Variants in PLEKHA7 observed in about 807,000 individuals in gnomAD.
The protein encoded by PLEKHA7 is pleckstrin homology domain-containing family A member 7.
A neutral mutation model predicts 170.0 loss-of-function variants in PLEKHA7; 104 were observed. That is an observed-to-expected ratio of 0.61 (90% CI 0.52 to 0.72). PLEKHA7 has a LOEUF of 0.72. Among genes scored for constraint, PLEKHA7 ranks in the 30% least tolerant of loss-of-function variants. The pLI is 0.00. For synonymous variants in PLEKHA7, 648 were observed against 660.8 expected (o/e 0.98, Z 0.30); for missense variants, 1,615 against 1,671.7 (o/e 0.97, Z 0.59).
intron 3 of PLEKHA7, among the ~76,000 whole-genome samples, chr11:16,949,721 G>C (rs1185857482): frequency 6.6e-6 from 1 of 152,120 alleles, no homozygotes; most frequent in Non-Finnish European, 1.5e-5. Context: ...AGTCTATCTA[G>C]CACAGGAGTT....
intron 3 of PLEKHA7, among the ~76,000 whole-genome samples, chr11:17,010,744 C>T (rs762189289): frequency 6.6e-6 from 1 of 152,196 alleles, no homozygotes; most frequent in African/African-American, 2.4e-5. Context: ...AATGCTTTGT[C>T]GCTCTCACTT....
At chr11:16,969,469 A>G (rs957741825) in intron 3 of PLEKHA7, among the ~76,000 whole-genome samples, 2 of 152,160 alleles carry the variant, frequency 1.3e-5, no homozygotes, top group Admixed American at 1.3e-4. Flanking sequence ...TGAGGAAAAG[A>G]CAGATGATGA....
At chr11:16,800,633 T>C (rs865795214) in intron 17 of PLEKHA7, among the ~76,000 whole-genome samples, 2 of 152,182 alleles carry the variant, frequency 1.3e-5, no homozygotes, top group Non-Finnish European at 2.9e-5. Flanking sequence ...GCTAGCAGCC[T>C]AAGATGGGGC....
chr11:16,799,492 C>T (rs529418482), intron 17 of PLEKHA7, among the ~76,000 whole-genome samples: 102 of 151,802 alleles, frequency 6.7e-4, no homozygotes, highest in Non-Finnish European at 1.4e-3. Flanking sequence ...TTCAAAGACA[C>T]GTATTCATGT....
At chr11:16,956,574 G>A (rs889522609) in intron 3 of PLEKHA7, among the ~76,000 whole-genome samples, 3 of 152,032 alleles carry the variant, frequency 2.0e-5, no homozygotes, top group African/African-American at 4.8e-5. Flanking sequence ...ATAATCCCAC[G>A]CTCACAATGC....
chr11:16,929,622 C>A (rs923027454), intron 3 of PLEKHA7, among the ~76,000 whole-genome samples: 7 of 152,192 alleles, frequency 4.6e-5, no homozygotes, highest in Non-Finnish European at 8.8e-5. Flanking sequence ...CCTAATAAAG[C>A]CCCTACTTTC....
rs1223196866 is a variant in PLEKHA7, at chr11:16,802,920, A to C, written c.2157+52T>G. On this transcript the variant is annotated intron_variant, in intron 15 of 26. Coordinates refer to ENST00000531066, the MANE Select transcript of PLEKHA7 (RefSeq NM_001329630.2). Reference sequence around the variant, plus strand: ...GTCCAGCCTATGTCTCAAGAAAGACAGGACAAAATGTCCCTCTGCCCATTC... The same window carrying C: ...GTCCAGCCTATGTCTCAAGAAAGACCGGACAAAATGTCCCTCTGCCCATTC... 5 of 1,417,536 alleles carry C rather than the reference A, an allele frequency of 3.5e-6. No individual in the cohort carries two copies. The African/African-American group carries it at 5.6e-5, about 16-fold the overall frequency. The allele number at this position is 1,417,536 out of a possible 1,614,324, so 87.8% of individuals were successfully genotyped here. A position where few individuals can be genotyped will look rare whatever the true frequency, so the allele number is the denominator to read the frequency against.
rs771352477 is a variant in PLEKHA7, at chr11:16,826,049, G to A, written c.1343+71C>T. ...AGGCTGCCCTTACGCAGCAAGTGCTGGCTAAATGACAGCTCTTGCCACTAC... is the reference window on the plus strand; with the variant it reads ...AGGCTGCCCTTACGCAGCAAGTGCTAGCTAAATGACAGCTCTTGCCACTAC... On this transcript the variant is annotated intron_variant, in intron 10 of 26. Transcript: ENST00000531066. 1.1e-4 allele frequency: 162 copies of A among 1,468,624 alleles called. No individual in the cohort carries two copies. In the African/African-American group the frequency reaches 2.0e-3, roughly 18 times the overall value. The allele number at this position is 1,468,624 out of a possible 1,614,324, so 91.0% of individuals were successfully genotyped here.
intron 8 of PLEKHA7, among the ~76,000 whole-genome samples, chr11:16,845,063 C>G (rs1420837832): frequency 6.6e-6 from 1 of 152,196 alleles, no homozygotes; most frequent in East Asian, 1.9e-4. Context: ...AACAGGGGAG[C>G]CCAGCTTGAT....
intron 3 of PLEKHA7, among the ~76,000 whole-genome samples, chr11:16,892,422 G>GTA (rs1287814363): frequency 1.3e-5 from 1 of 76,906 alleles, no homozygotes; most frequent in African/African-American, 3.6e-5. Context: ...GTGTGTGTGT[G>GTA]TGTGTGTGTG....
chr11:16,883,457 G>T (rs553225630), intron 3 of PLEKHA7, among the ~76,000 whole-genome samples: 1 of 152,248 alleles, frequency 6.6e-6, no homozygotes, highest in South Asian at 2.1e-4. Flanking sequence ...CACTGCTCTT[G>T]TTCCATTATC....
intron 8 of PLEKHA7, among the ~76,000 whole-genome samples, chr11:16,849,365 T>A (rs544417458): frequency 3.9e-5 from 6 of 152,336 alleles, no homozygotes; most frequent in East Asian, 1.9e-4. Flanking sequence ...AACATCACTA[T>A]CCCAATTGTT....
intron 4 of PLEKHA7, among the ~76,000 whole-genome samples, chr11:16,857,448 T>G (rs2135489469): frequency 1.3e-5 from 2 of 152,354 alleles, no homozygotes; most frequent in Middle Eastern, 3.4e-3. Context: ...GTCACCACAT[T>G]TGCTGTTGGC....
chr11:16,816,876 T>C lies in PLEKHA7; in HGVS notation c.1790A>G (p.Lys597Arg). 1 of 1,614,114 alleles carries C rather than the reference T, an allele frequency of 6.2e-7. No individual in the cohort carries two copies. Residue 597 changes from lysine (K) to arginine (R), a missense_variant, in exon 11 of 27, where the codon AAG becomes AGG. Coordinates refer to ENST00000531066, the MANE Select transcript of PLEKHA7 (RefSeq NM_001329630.2). ...PHTPAERVTV[K>R]PPDQRRSVDI... ...CACACTCCTCCTCTGGTCCGGTGGC[T>C]TCACTGTGACTCGCTCTGCTGGTGT... is the stretch of plus-strand genomic sequence containing the variant.
At chr11:16,888,403 G>GGC (rs1565074459) in intron 3 of PLEKHA7, among the ~76,000 whole-genome samples, 2 of 152,264 alleles carry the variant, frequency 1.3e-5, no homozygotes, top group African/African-American at 4.8e-5. Context: ...TGAGTAGACG[G>GGC]GGGGGAAATG....
intron 8 of PLEKHA7, among the ~76,000 whole-genome samples, chr11:16,850,109 C>T (rs909879065): frequency 1.3e-5 from 2 of 152,206 alleles, no homozygotes; most frequent in Non-Finnish European, 2.9e-5. Context: ...ACCAACACTT[C>T]CCTTTAACCC....
At chr11:16,882,146 T>C (rs1388667484) in intron 3 of PLEKHA7, among the ~76,000 whole-genome samples, 1 of 152,188 alleles carries the variant, frequency 6.6e-6, no homozygotes, top group Non-Finnish European at 1.5e-5. Flanking sequence ...GCCTGGCACA[T>C]AGTAGGTATT....
rs879235701 is a variant in PLEKHA7 at position 16,841,622 on chromosome 11, G to A, written c.797C>T (p.Thr266Ile). The A allele has an allele frequency of 6.2e-7, 1 of 1,614,146 alleles. No homozygotes were observed. The highest frequency in any genetic ancestry group is 8.5e-7 in the Non-Finnish European group (1 of 1,180,038). The change falls in exon 9 of 27, where the codon ACC (threonine) becomes ATC (isoleucine). Residue 266 changes from threonine (T) to isoleucine (I), a missense_variant. Transcript: ENST00000531066. ...GMRTYYFSAD[T>I]QEDMNAWVRA... is the part of the protein sequence containing the mutation. ...GACCCAAGCGTTCATGTCCTCCTGGGTGTCGGCACTGAAGTAGTAGGTCCT... is the reference window on the plus strand; with the variant it reads ...GACCCAAGCGTTCATGTCCTCCTGGATGTCGGCACTGAAGTAGTAGGTCCT...
intron 3 of PLEKHA7, among the ~76,000 whole-genome samples, chr11:16,962,216 G>A (rs1022407907): frequency 1.3e-5 from 2 of 152,170 alleles, no homozygotes; most frequent in East Asian, 1.9e-4. Flanking sequence ...TTTGCCTCTC[G>A]CTGGCTGTGT....
Sources: gnomAD v4.1 joint callset for allele counts (sites outside exome capture counted in the v4.1 genomes callset) on GRCh38, gnomAD v4.1.1 for gene constraint, MANE v1.5 for transcripts, NCBI Gene and HGNC (gene_info 2026-07-23, HGNC 2026-07-21) for gene names.